The following AFAP1L2 variants were observed in gnomAD, a reference collection of about 807,000 sequenced individuals.
The protein encoded by AFAP1L2 is actin filament-associated protein 1-like 2.
AFAP1L2 carries 46 observed loss-of-function variants against 99.3 expected under a neutral mutation model. The ratio of observed to expected loss-of-function variants is 0.46; its 90% CI spans 0.37 to 0.59. AFAP1L2 has a LOEUF of 0.59. Among genes scored for constraint, AFAP1L2 ranks in the 20% least tolerant of loss-of-function variants. The pLI is 0.00. For synonymous variants in AFAP1L2, 397 were observed against 419.1 expected, an observed-to-expected ratio of 0.95 and a Z score of 0.64; for missense variants, 959 against 1,034.9, an observed-to-expected ratio of 0.93 and a Z score of 1.01.
At chr10:114,287,830 A>G in the AFAP1L2 span, among the ~76,000 whole-genome samples, 1 of 152,194 alleles carries the variant, frequency 6.6e-6, no homozygotes. Context: ...ATGAACCAGT[A>G]TTGATACATC....
chr10:114,322,583 C>T (rs1381908565), intron 5 of AFAP1L2, among the ~76,000 whole-genome samples: 2 of 152,220 alleles, frequency 1.3e-5, no homozygotes, highest in African/African-American at 4.8e-5. Flanking sequence ...AAGTAACTCC[C>T]CTGTCCTGCA....
intron 1 of AFAP1L2, among the ~76,000 whole-genome samples, chr10:114,396,184 C>T (rs74157602): frequency 0.022 from 3,296 of 152,220 alleles, 119 homozygotes; most frequent in African/African-American, 0.076. Flanking sequence ...GATGGAAGTT[C>T]CACAGCCTTC....
rs554619456 is a variant in AFAP1L2 at position 114,335,248 on chromosome 10, C to G, written c.146-1953G>C. 2.0e-5 allele frequency among the ~76,000 whole-genome samples: 3 copies of G among 152,204 alleles called. No homozygotes were observed. In the East Asian group the frequency reaches 5.8e-4, roughly 29 times the overall value. ...CAGAAACTTATCCTACAGATAAACT[C>G]TAGCATTTAAAGAAAATTGTATTTG... On this transcript the variant is annotated intron_variant, in intron 2 of 18. Coordinates refer to ENST00000304129, the MANE Select transcript of AFAP1L2 (RefSeq NM_001001936.3).
chr10:114,392,816 C>A (rs763993248), intron 1 of AFAP1L2, among the ~76,000 whole-genome samples: 10 of 152,138 alleles, frequency 6.6e-5, no homozygotes, highest in Non-Finnish European at 1.2e-4. Flanking sequence ...AGGAGGCCTG[C>A]GAGGAACTGA....
chr10:114,397,772 C>T (rs1262472253), intron 1 of AFAP1L2, among the ~76,000 whole-genome samples: 1 of 152,188 alleles, frequency 6.6e-6, no homozygotes, highest in Non-Finnish European at 1.5e-5. Context: ...GCTGGCTAGC[C>T]TCTCTTGCTT....
intron 1 of AFAP1L2, among the ~76,000 whole-genome samples, chr10:114,369,572 GCC>G (rs560669906): frequency 7.1e-6 from 1 of 141,024 alleles, no homozygotes; most frequent in Admixed American, 7.5e-5. Flanking sequence ...TCCAGCCTGG[GCC>G]ACAGAGCGAG....
At chr10:114,314,359 G>A (rs544018933) in intron 6 of AFAP1L2, among the ~76,000 whole-genome samples, 103 of 152,276 alleles carry the variant, frequency 6.8e-4, no homozygotes, top group African/African-American at 2.0e-3. Flanking sequence ...CCTAAAATAC[G>A]TCCTCTGTGT....
At chr10:114,353,934 A>G (rs2050922702) in intron 1 of AFAP1L2, among the ~76,000 whole-genome samples, 1 of 152,184 alleles carries the variant, frequency 6.6e-6, no homozygotes, top group African/African-American at 2.4e-5. Context: ...GGAAGGATGT[A>G]AAGAAAGACC....
At chr10:114,383,325 G>T (rs1434562824) in intron 1 of AFAP1L2, among the ~76,000 whole-genome samples, 4 of 152,002 alleles carry the variant, frequency 2.6e-5, no homozygotes, top group Non-Finnish European at 5.9e-5. Context: ...GGACAGGAGG[G>T]GAGGAAAAGG....
chr10:114,336,454 C>T (rs922361138), intron 2 of AFAP1L2, among the ~76,000 whole-genome samples: 3 of 152,154 alleles, frequency 2.0e-5, no homozygotes, highest in Admixed American at 1.3e-4. Flanking sequence ...CCCCACAGTC[C>T]GGCAGGAGAG....
chr10:114,284,818 C>T, the AFAP1L2 span: 1 of 1,548,744 alleles, frequency 6.5e-7, no homozygotes, highest in Non-Finnish European at 8.7e-7. Flanking sequence ...CTCTCCACTC[C>T]TCTGTGCTGC....
At chr10:114,365,012 G>A (rs575354544) in intron 1 of AFAP1L2, among the ~76,000 whole-genome samples, 5 of 152,306 alleles carry the variant, frequency 3.3e-5, no homozygotes, top group African/African-American at 7.2e-5. Context: ...GCCAGAGTCC[G>A]GGGGCATAAA....
At chr10:114,364,886 T>C (rs924998544) in intron 1 of AFAP1L2, among the ~76,000 whole-genome samples, 11 of 152,182 alleles carry the variant, frequency 7.2e-5, no homozygotes, top group African/African-American at 2.7e-4. Context: ...ATGCTCCTTC[T>C]CGGGTCATGA....
chr10:114,326,814 G>A (rs992935508), intron 4 of AFAP1L2, among the ~76,000 whole-genome samples: 2 of 152,210 alleles, frequency 1.3e-5, no homozygotes, highest in Admixed American at 6.5e-5. Context: ...GGATTGAAGT[G>A]TGCCTATCAC....
chr10:114,286,572 G>A, the AFAP1L2 span: 3 of 1,423,354 alleles, frequency 2.1e-6, no homozygotes, highest in Non-Finnish European at 2.8e-6. Context: ...CCTCCTTTTG[G>A]CCACCACCTA....
chr10:114,367,945 C>T (rs938501171), intron 1 of AFAP1L2, among the ~76,000 whole-genome samples: 39 of 152,202 alleles, frequency 2.6e-4, no homozygotes, highest in African/African-American at 8.2e-4. Flanking sequence ...TAATGTACAC[C>T]ATGCACAGAC....
downstream of AFAP1L2, among the ~76,000 whole-genome samples, chr10:114,292,888 T>G (rs553497496): frequency 8.5e-5 from 13 of 152,116 alleles, no homozygotes; most frequent in Admixed American, 3.9e-4. Flanking sequence ...GTATTTTTAG[T>G]TAGAGACAGG....
At position 114,325,048 on chromosome 10, in the gene AFAP1L2, T is replaced by G. The variant is rs573359046; in HGVS notation, c.316-1787A>C. Among the ~76,000 whole-genome samples, 13 of 152,276 alleles carry G rather than the reference T, an allele frequency of 8.5e-5. 1 individual carries two copies. The highest frequency in any genetic ancestry group is 2.1e-4 in the South Asian group (1 of 4,826). ...AGGGTCCCCAGAGCCCAGTCCTGTG[T>G]GGTTTGGACTCTACAGTCTGTTTAT... On this transcript the variant is annotated intron_variant, in intron 4 of 18. Transcript: ENST00000304129.
At position 114,295,852 on chromosome 10, in the gene AFAP1L2, G is replaced by GTT; in HGVS notation, c.*188_*189dup. On this transcript the variant is annotated 3_prime_UTR_variant, in exon 19 of 19. Coordinates refer to ENST00000304129, the MANE Select transcript of AFAP1L2 (RefSeq NM_001001936.3). ...AGGTCTCCAAAGAAGCCTCCTTTTT[G>GTT]TTGTATTATTTCCTTTGGCTCTGAA... 1.4e-6 allele frequency: 2 copies of GTT among 1,423,192 alleles called. No individual in the cohort carries two copies. Among genetic ancestry groups the GTT allele is most frequent in the Non-Finnish European group, 1.8e-6 (2 of 1,088,982 alleles). 88.2% of individuals were successfully genotyped at this position (1,423,192 alleles called of 1,614,324 possible).
Sources: gnomAD v4.1 joint callset for allele counts (sites outside exome capture counted in the v4.1 genomes callset) on GRCh38, gnomAD v4.1.1 for gene constraint, MANE v1.5 for transcripts, NCBI Gene and HGNC (gene_info 2026-07-23, HGNC 2026-07-21) for gene names.